ADAMTS7: variants seen among roughly 807,000 people sequenced by gnomAD.
ADAMTS7 encodes A disintegrin and metalloproteinase with thrombospondin motifs 7.
Under a neutral mutation model 172.6 loss-of-function variants are expected in ADAMTS7, and 89 were observed. That is an observed-to-expected ratio of 0.52 (90% CI 0.43 to 0.61). ADAMTS7 has a LOEUF of 0.61. Ranked by LOEUF, ADAMTS7 falls within the 20% of genes least tolerant of loss-of-function variation. ADAMTS7 has a pLI of 0.00. For synonymous variants in ADAMTS7, 885 were observed against 978.4 expected (o/e 0.90, Z 1.78); for missense variants, 1,973 against 2,355.6 (o/e 0.84, Z 3.36).
chr15:78,778,125 C>G (rs1010018683), intron 8 of ADAMTS7, among the ~76,000 whole-genome samples: 2 of 152,244 alleles, frequency 1.3e-5, no homozygotes, highest in African/African-American at 4.8e-5. Context: ...CCCCACACCC[C>G]GACAGGGCTG....
rs867972448 is a variant in ADAMTS7, at chr15:78,777,659, G to C, written c.1323-71C>G. 60 of 1,543,242 alleles carry C rather than the reference G, an allele frequency of 3.9e-5. No homozygotes were observed. In the South Asian group the frequency reaches 5.7e-4, roughly 15 times the overall value. ...CCATCGGAGAAGCCTTGGTGGGGCC[G>C]GGACAGGAGGAGAGGTGGGAGGGGG... On this transcript the variant is annotated intron_variant, in intron 8 of 23. Coordinates refer to ENST00000388820, the MANE Select transcript of ADAMTS7 (RefSeq NM_014272.5).
At chr15:78,786,978 TA>T (rs748030420) in intron 8 of ADAMTS7, among the ~76,000 whole-genome samples, 100 of 152,174 alleles carry the variant, frequency 6.6e-4, no homozygotes, top group Non-Finnish European at 1.3e-3. Context: ...CACTTCCACT[TA>T]ATGAGCAGTG....
rs1001067907 is a variant in ADAMTS7, at chr15:78,811,425, A to G, written c.-205T>C. The stretch of plus-strand genomic sequence containing the variant: ...GCCCCCTTGGCCGCTGCAGAGGCAA[A>G]GAAAAGACAAGAGAGCTAGAAGGAG... On this transcript the variant is annotated 5_prime_UTR_variant, in exon 1 of 24. Coordinates refer to ENST00000388820, the MANE Select transcript of ADAMTS7 (RefSeq NM_014272.5). 2.5e-6 allele frequency: 1 copy of G among 405,406 alleles called. No homozygotes were observed. The highest frequency in any genetic ancestry group is 4.2e-6 in the Non-Finnish European group (1 of 240,800). 25.1% of individuals were successfully genotyped at this position (405,406 alleles called of 1,614,324 possible).
intron 1 of ADAMTS7, chr15:78,810,409 G>A (rs887186389): frequency 7.9e-5 from 12 of 152,386 alleles, no homozygotes; most frequent in Admixed American, 3.9e-4. Flanking sequence ...GCGGCCGCCC[G>A]GCAGGTCGCC....
Position 78,771,298 on chromosome 15 carries a change from C to T in ADAMTS7, c.2382G>A (p.Leu794=), listed in dbSNP as rs763099235. ...GCACCCCAGGGTTGCTCTCCTGGAACAGCAGCTGGGTGGGCAGGCGGGGGC... is the reference window on the plus strand; with the variant it reads ...GCACCCCAGGGTTGCTCTCCTGGAATAGCAGCTGGGTGGGCAGGCGGGGGC... ...PTKEPVWIQL[L]FQESNPGVHY... Residue 794 remains leucine, a synonymous_variant, in exon 16 of 24, where the codon CTG becomes CTA. Coordinates refer to ENST00000388820, the MANE Select transcript of ADAMTS7 (RefSeq NM_014272.5). The surrounding 1 kb of genome is among the most constrained non-coding windows in gnomAD (Gnocchi z 4.9). 1.2e-6 allele frequency: 2 copies of T among 1,612,420 alleles called. No individual in the cohort carries two copies. The highest frequency in any genetic ancestry group is 1.1e-5 in the South Asian group (1 of 91,010).
At chr15:78,808,365 GA>G (rs894721013) in intron 1 of ADAMTS7, among the ~76,000 whole-genome samples, 5 of 152,094 alleles carry the variant, frequency 3.3e-5, no homozygotes, top group African/African-American at 1.2e-4. Flanking sequence ...GCCTTCCGAG[GA>G]GCTGGGATTA....
chr15:78,761,932 T>C (rs1305425406), intron 23 of ADAMTS7: 1 of 985,248 alleles, frequency 1.0e-6, no homozygotes, highest in Non-Finnish European at 1.2e-6. Context: ...AGCAGGACCC[T>C]GGAAAGGAGG....
intron 1 of ADAMTS7, among the ~76,000 whole-genome samples, chr15:78,807,873 C>A (rs950669331): frequency 1.3e-4 from 19 of 148,054 alleles, no homozygotes; most frequent in South Asian, 1.3e-3. Context: ...TTATTTATTT[C>A]TTTTTTTTTT....
At position 78,774,772 on chromosome 15, in the gene ADAMTS7, G is replaced by T. The variant is rs1387736193; in HGVS notation, c.1728C>A (p.Tyr576Ter). 3.7e-6 allele frequency: 6 copies of T among 1,606,422 alleles called. No homozygotes were observed. The highest frequency in any genetic ancestry group is 5.1e-6 in the Non-Finnish European group (6 of 1,176,152). Residue 576 changes from tyrosine to a stop codon, truncating the protein, a stop_gained, in exon 12 of 24, where the codon TAC (tyrosine) becomes TAA (stop). Transcript: ENST00000388820. LOFTEE classifies it high-confidence loss of function. ...GGAAGCGCTTGCGCTCACCCACACA[G>T]TATCTGCCTTTGTATTTGGGCCTGT... ...TQPTPKYKGR[Y>*]CVGERKRFRL... is the part of the protein sequence containing the mutation.
At chr15:78,801,452 C>T (rs2055724332) in intron 1 of ADAMTS7, among the ~76,000 whole-genome samples, 1 of 152,164 alleles carries the variant, frequency 6.6e-6, no homozygotes, top group African/African-American at 2.4e-5. Flanking sequence ...AAACCATTCA[C>T]TTTTGGGTTG....
chr15:78,771,885 C>T lies in ADAMTS7; in HGVS notation c.2132-56G>A, dbSNP rs2055257262. 1 of 1,570,666 alleles carries T rather than the reference C, an allele frequency of 6.4e-7. No individual in the cohort carries two copies. Among genetic ancestry groups the T allele is most frequent in the East Asian group, 2.2e-5 (1 of 44,586 alleles). ...CCCAGGGTGAGAGGGTTGCTTATCC[C>T]CACCCGCTCCCCTCATGTCTCTCCC... On this transcript the variant is annotated intron_variant, in intron 14 of 23. Coordinates refer to ENST00000388820, the MANE Select transcript of ADAMTS7 (RefSeq NM_014272.5). This position sits in a 1 kb window ranked among gnomAD's most constrained non-coding sequence, Gnocchi z 4.9.
rs74405922 is a variant in ADAMTS7, at chr15:78,774,239, G to A, written c.1938C>T (p.Asp646=). 0.019 allele frequency: 30,001 copies of A among 1,584,278 alleles called. 4,435 individuals are homozygous for A. The East Asian group carries it at 0.37, about 20-fold the overall frequency. ...ANEYFAEKLR[D]AVVDGTPCYQ... Reference sequence around the variant, plus strand: ...AGCAGGGGGTGCCATCGACCACGGCGTCCCGCAGCTTCTCGGCAAAGTACT... The same window carrying A: ...AGCAGGGGGTGCCATCGACCACGGCATCCCGCAGCTTCTCGGCAAAGTACT... The change falls in exon 13 of 24, where the codon GAC becomes GAT. Residue 646 remains aspartate (D), a synonymous_variant. Coordinates refer to ENST00000388820, the MANE Select transcript of ADAMTS7 (RefSeq NM_014272.5).
At chr15:78,805,974 G>A (rs2055782215) in intron 1 of ADAMTS7, among the ~76,000 whole-genome samples, 1 of 151,436 alleles carries the variant, frequency 6.6e-6, no homozygotes, top group Non-Finnish European at 1.5e-5. Context: ...CAGCTACTCC[G>A]GAGGCTGAGG....
rs60815800 is a variant in ADAMTS7 at position 78,763,654 on chromosome 15, G to A, written c.4740+45C>T. The A allele has an allele frequency of 0.017, 25,420 of 1,501,330 alleles. 3,427 individuals carry two copies. In the African/African-American group the frequency reaches 0.3, roughly 18 times the overall value. 93.0% of individuals were successfully genotyped at this position (1,501,330 alleles called of 1,614,324 possible). A position where few individuals can be genotyped will look rare whatever the true frequency, so the allele number is the denominator to read the frequency against. ...TCACCCAACCCAAGACTGACCAGGC[G>A]CCACCAAGCACTTGCTCCCTGCTCC... On this transcript the variant is annotated intron_variant, in intron 22 of 23. Transcript: ENST00000388820.
At chr15:78,780,406 G>A (rs532200030) in intron 8 of ADAMTS7, among the ~76,000 whole-genome samples, 40 of 152,312 alleles carry the variant, frequency 2.6e-4, no homozygotes, top group African/African-American at 8.7e-4. Context: ...CCACCCCAGG[G>A]ATCTGGTCAT....
chr15:78,797,710 G>T (rs762574605), intron 3 of ADAMTS7, among the ~76,000 whole-genome samples: 1 of 152,238 alleles, frequency 6.6e-6, no homozygotes, highest in African/African-American at 2.4e-5. Flanking sequence ...GGAGAAGTAG[G>T]TGAGATGGAG....
intron 6 of ADAMTS7, among the ~76,000 whole-genome samples, 153 bp downstream of exon 6, chr15:78,790,517 C>T (rs1230851104): frequency 3.3e-5 from 5 of 152,182 alleles, no homozygotes; most frequent in Admixed American, 1.3e-4. Flanking sequence ...TCCCCAAGTG[C>T]GGACAGAATC....
At position 78,762,428 on chromosome 15, in the gene ADAMTS7, C is replaced by T. The variant is rs766071230; in HGVS notation, c.4878G>A (p.Glu1626=). 4 of 1,522,502 alleles carry T rather than the reference C, an allele frequency of 2.6e-6. No homozygotes were observed. The Admixed American group carries it at 6.1e-5, about 23-fold the overall frequency. The allele number at this position is 1,522,502 out of a possible 1,614,324, so 94.3% of individuals were successfully genotyped here. The part of the protein sequence containing the change: ...WPESSRPCGT[E]DCEPVEPPRC... Reference sequence around the variant, plus strand: ...GGGGAGGCTCGACGGGCTCACAATCCTCGGTGCCACACGGCCGGGAGCTCT... The same window carrying T: ...GGGGAGGCTCGACGGGCTCACAATCTTCGGTGCCACACGGCCGGGAGCTCT... Residue 1626 remains glutamate (E), a synonymous_variant, in exon 23 of 24, where the codon GAG becomes GAA. Transcript: ENST00000388820.
In ADAMTS7 at chr15:78,761,763, C is replaced by T. The variant is rs141983827; in HGVS notation, c.4903+640G>A. ...GTGTTGGCGTGTGTGTGTGTGTGCGCGCACGCACACATGCTGGAGGCGGCG... is the reference window on the plus strand; with the variant it reads ...GTGTTGGCGTGTGTGTGTGTGTGCGTGCACGCACACATGCTGGAGGCGGCG... On this transcript the variant is annotated intron_variant, in intron 23 of 23. Transcript: ENST00000388820. 5.8e-3 allele frequency among the ~76,000 whole-genome samples: 889 copies of T among 152,108 alleles called. 12 individuals are homozygous for T. The highest frequency in any genetic ancestry group is 0.02 in the African/African-American group (829 of 41,496).
Sources: allele counts gnomAD v4.1 joint callset (sites outside exome capture counted in the v4.1 genomes callset), GRCh38; gene constraint gnomAD v4.1.1; non-coding constraint Gnocchi (gnomAD v3.1); transcripts MANE v1.5; gene names NCBI Gene and HGNC (gene_info 2026-07-23, HGNC 2026-07-21).